The following PRDM11 variants were observed in gnomAD, a reference collection of about 807,000 sequenced individuals.
The protein encoded by PRDM11 is PR/SET domain 11.
Under a neutral mutation model 97.8 loss-of-function variants are expected in PRDM11, and 20 were observed. The observed-to-expected ratio is 0.20, with a 90% CI of 0.14 to 0.30. PRDM11 has a LOEUF of 0.30. Ranked by LOEUF, PRDM11 falls within the 10% of genes least tolerant of loss-of-function variation. PRDM11 has a pLI of 1.00. For missense variants in PRDM11, 1,139 were observed against 1,555.2 expected, an observed-to-expected ratio of 0.73 and a Z score of 4.50; for synonymous variants, 599 against 637.7, an observed-to-expected ratio of 0.94 and a Z score of 0.91.
At chr11:45,221,213 A>G (rs1465576577) in intron 6 of PRDM11, among the ~76,000 whole-genome samples, 1 of 152,204 alleles carries the variant, frequency 6.6e-6, no homozygotes, top group Non-Finnish European at 1.5e-5. Flanking sequence ...AGGAGACCCC[A>G]TAAACATACT....
intron 1 of PRDM11, among the ~76,000 whole-genome samples, chr11:45,110,439 G>C (rs529713361): frequency 1.3e-5 from 2 of 152,344 alleles, no homozygotes; most frequent in African/African-American, 4.8e-5. Context: ...GGGCCAGGTA[G>C]GAGTTTGAGG....
At position 45,123,584 on chromosome 11, in the gene PRDM11, T is replaced by C. The variant is rs1238960207; in HGVS notation, c.96+27683T>C. Among the ~76,000 whole-genome samples, 7 of 151,408 alleles carry C rather than the reference T, an allele frequency of 4.6e-5. No homozygotes were observed. In the South Asian group the frequency reaches 1.5e-3, roughly 32 times the overall value. ...ATATGGCTAGCCAGTTTTCCCAGCA[T>C]CATTTATTAAATAGGGAATCCTTTC... On this transcript the variant is annotated intron_variant, in intron 1 of 6. Coordinates refer to the PRDM11 transcript ENST00000530656.
chr11:45,182,420 C>CG (rs1852542704), intron 3 of PRDM11, 71 bp downstream of exon 3: 6 of 1,366,364 alleles, frequency 4.4e-6, no homozygotes, highest in Non-Finnish European at 6.2e-6. Context: ...CTAGGGAATT[C>CG]ACAACAATGC....
intron 1 of PRDM11, among the ~76,000 whole-genome samples, chr11:45,139,816 G>T (rs1172744991): frequency 6.6e-6 from 1 of 152,204 alleles, no homozygotes; most frequent in Non-Finnish European, 1.5e-5. Flanking sequence ...GGAAGGGACT[G>T]TAGGTGTCTC....
intron 4 of PRDM11, among the ~76,000 whole-genome samples, chr11:45,188,980 C>T (rs905060393): frequency 6.6e-6 from 1 of 152,204 alleles, no homozygotes; most frequent in Non-Finnish European, 1.5e-5. Flanking sequence ...CAGCTCACCG[C>T]AACCTCTGCC....
Position 45,226,673 on chromosome 11 carries a change from G to A in PRDM11, c.2048G>A (p.Ser683Asn). ...TVAVYVQYTS[S>N]DGPPATEFLS... ...GCTGTCTATGTTCAGTACACCAGCA[G>A]TGATGGGCCCCCGGCCACAGAGTTC... Residue 683 changes from serine to asparagine, a missense_variant, in exon 8 of 8, where the codon AGT becomes AAT. Coordinates refer to ENST00000683152, the MANE Select transcript of PRDM11 (RefSeq NM_001384648.1). 15 of 1,534,008 alleles carry A rather than the reference G, an allele frequency of 9.8e-6. No individual in the cohort carries two copies. The highest frequency in any genetic ancestry group is 1.3e-5 in the Non-Finnish European group (15 of 1,146,748).
chr11:45,210,944 A>G (rs1448919314), intron 5 of PRDM11, among the ~76,000 whole-genome samples: 2 of 152,214 alleles, frequency 1.3e-5, no homozygotes, highest in East Asian at 3.9e-4. Flanking sequence ...TCACCCCTCC[A>G]TCTCCCTGAG....
chr11:45,097,253 A>T, intron 1 of PRDM11, among the ~76,000 whole-genome samples: 1 of 152,146 alleles, frequency 6.6e-6, no homozygotes, highest in East Asian at 1.9e-4. Flanking sequence ...GTGACCTTAA[A>T]CAAGTCCTTC....
Position 45,226,852 on chromosome 11 carries a change from A to G in PRDM11, c.2227A>G (p.Ser743Gly), listed in dbSNP as rs1294263555. The G allele has an allele frequency of 1.3e-6, 2 of 1,533,954 alleles. No individual in the cohort carries two copies. Among genetic ancestry groups the G allele is most frequent in the South Asian group, 2.4e-5 (2 of 83,970 alleles). The change falls in exon 8 of 8, where the codon AGC (serine) becomes GGC (glycine). Residue 743 changes from serine (S) to glycine (G), a missense_variant. Coordinates refer to ENST00000683152, the MANE Select transcript of PRDM11 (RefSeq NM_001384648.1). ...GANITASLRA[S>G]MFMTIRKTLP... Reference sequence around the variant, plus strand: ...CAACATCACAGCCAGCCTCCGTGCCAGCATGTTCATGACCATCCGCAAGAC... The same window carrying G: ...CAACATCACAGCCAGCCTCCGTGCCGGCATGTTCATGACCATCCGCAAGAC...
rs1207529137 is a variant in PRDM11, at chr11:45,182,243, C to T, written c.120-3C>T. The T allele has an allele frequency of 6.2e-7, 1 of 1,613,678 alleles. No homozygotes were observed. Among genetic ancestry groups the T allele is most frequent in the Non-Finnish European group, 8.5e-7 (1 of 1,179,824 alleles). On this transcript the variant is annotated splice_region_variant and splice_polypyrimidine_tract_variant and intron_variant, in intron 2 of 7. Transcript: ENST00000683152. ...TTTCTTTGCGGGCCTCTGCCCTGGC[C>T]AGCTCTAGGAGACCGGACTCCTCGG...
chr11:45,224,527 T>C lies in PRDM11; in HGVS notation c.1053T>C (p.His351=), dbSNP rs747503185. 3 of 1,613,982 alleles carry C rather than the reference T, an allele frequency of 1.9e-6. No homozygotes were observed. The highest frequency in any genetic ancestry group is 2.5e-6 in the Non-Finnish European group (3 of 1,179,996). ...GTCAGTGTGCAACAACAATGACCCA[T>C]GGTGTGCAGAATATAGGCCAGACCC... ...AYSQCATTMT[H]GVQNIGQTQG... is the part of the protein sequence containing the mutation. The change falls in exon 7 of 8, where the codon CAT becomes CAC. Residue 351 remains histidine (H), a synonymous_variant. Coordinates refer to ENST00000683152, the MANE Select transcript of PRDM11 (RefSeq NM_001384648.1).
At chr11:45,113,082 C>T (rs1383462875) in intron 1 of PRDM11, among the ~76,000 whole-genome samples, 4 of 152,050 alleles carry the variant, frequency 2.6e-5, no homozygotes, top group Admixed American at 6.6e-5. Context: ...GTTATGGTTT[C>T]AGGTCTTGGA....
chr11:45,108,450 C>G (rs530876368), intron 1 of PRDM11, among the ~76,000 whole-genome samples: 1 of 152,316 alleles, frequency 6.6e-6, no homozygotes, highest in Admixed American at 6.5e-5. Context: ...ATCACTCCTG[C>G]CCATGTGCCC....
chr11:45,109,991 C>G (rs908674412), intron 1 of PRDM11, among the ~76,000 whole-genome samples: 3 of 152,170 alleles, frequency 2.0e-5, no homozygotes, highest in Non-Finnish European at 4.4e-5. Context: ...CCCTGTGTGA[C>G]CTGCTGATAG....
chr11:45,161,060 C>G (rs1030928392), intron 1 of PRDM11, among the ~76,000 whole-genome samples: 1 of 152,176 alleles, frequency 6.6e-6, no homozygotes. Context: ...CAGCCCCTTA[C>G]CAACTGGGTA....
At chr11:45,109,059 A>G (rs1305916950) in intron 1 of PRDM11, among the ~76,000 whole-genome samples, 1 of 152,210 alleles carries the variant, frequency 6.6e-6, no homozygotes, top group East Asian at 1.9e-4. Flanking sequence ...ACCCCTGGCC[A>G]CAGGCCTCTG....
At chr11:45,223,142 C>G (rs1157033308) in intron 6 of PRDM11, among the ~76,000 whole-genome samples, 1 of 152,112 alleles carries the variant, frequency 6.6e-6, no homozygotes, top group African/African-American at 2.4e-5. Flanking sequence ...ATGGCGAAAC[C>G]CTATCTCCAC....
chr11:45,234,735 C>T lies in PRDM11; in HGVS notation c.*6576C>T, dbSNP rs886151876. 1 of 152,292 alleles carries T rather than the reference C, an allele frequency of 6.6e-6. No individual in the cohort carries two copies. The highest frequency in any genetic ancestry group is 2.1e-4 in the South Asian group (1 of 4,834). The allele number at this position is 152,292 out of a possible 1,614,324, so 9.4% of individuals were successfully genotyped here. Reference sequence around the variant, plus strand: ...GGCCAGGCTGCCCTCGGGCACCTCTCAGTCTTCACTTTTGTCTCTCCGGAA... The same window carrying T: ...GGCCAGGCTGCCCTCGGGCACCTCTTAGTCTTCACTTTTGTCTCTCCGGAA... On this transcript the variant is annotated 3_prime_UTR_variant, in exon 8 of 8. Transcript: ENST00000683152.
chr11:45,226,843 C>T lies in PRDM11; in HGVS notation c.2218C>T (p.Leu740Phe). ...AGATGGAGCCAACATCACAGCCAGC[C>T]TCCGTGCCAGCATGTTCATGACCAT... ...GVDGANITAS[L>F]RASMFMTIRK... Residue 740 changes from leucine (L) to phenylalanine (F), a missense_variant, in exon 8 of 8, where the codon CTC becomes TTC. By Grantham distance (22) the Leu-to-Phe change is conservative (BLOSUM62 0). This residue lies in a region of PRDM11 where 710 missense variants were observed against 1,044.9 expected (regional missense o/e 0.68). Coordinates refer to ENST00000683152, the MANE Select transcript of PRDM11 (RefSeq NM_001384648.1). 1.3e-6 allele frequency: 2 copies of T among 1,533,298 alleles called. No individual in the cohort carries two copies. The highest frequency in any genetic ancestry group is 1.7e-6 in the Non-Finnish European group (2 of 1,146,568). 95.0% of individuals were successfully genotyped at this position (1,533,298 alleles called of 1,614,324 possible).
Sources: allele counts gnomAD v4.1 joint callset (sites outside exome capture counted in the v4.1 genomes callset), GRCh38; gene constraint gnomAD v4.1.1; regional missense constraint gnomAD v4.1.1; transcripts MANE v1.5; gene names NCBI Gene and HGNC (gene_info 2026-07-23, HGNC 2026-07-21).